RMC1: variants seen among roughly 807,000 people sequenced by gnomAD.
The protein encoded by RMC1 is regulator of MON1-CCZ1 complex.
RMC1 carries 44 observed loss-of-function variants against 95.5 expected under a neutral mutation model. The ratio of observed to expected loss-of-function variants is 0.46; its 90% CI spans 0.36 to 0.59. The LOEUF (loss-of-function observed/expected upper bound fraction) is 0.59. Ranked by LOEUF, RMC1 falls within the 20% of genes least tolerant of loss-of-function variation. The pLI is 0.00. For synonymous variants in RMC1, 320 were observed against 303.6 expected, an observed-to-expected ratio of 1.05 and a Z score of -0.56; for missense variants, 705 against 819.6, an observed-to-expected ratio of 0.86 and a Z score of 1.71.
Position 23,530,272 on chromosome 18 carries a change from A to G in RMC1, c.1643A>G (p.His548Arg). ...CTAGAGAGTTTCTATCCTCCTGCTC[A>G]TCAGCTATCTCTGGACATGCTGAAG... is the stretch of plus-strand genomic sequence containing the variant. ...LSLESFYPPA[H>R]QLSLDMLKRL... The change falls in exon 18 of 20, where the codon CAT (histidine) becomes CGT (arginine). Residue 548 changes from histidine (H) to arginine (R), a missense_variant. Physicochemically the swap from His to Arg is conservative, Grantham distance 29 (BLOSUM62 0). Transcript: ENST00000269221. The G allele has an allele frequency of 6.2e-7, 1 of 1,614,218 alleles. No homozygotes were observed. Among genetic ancestry groups the G allele is most frequent in the Non-Finnish European group, 8.5e-7 (1 of 1,180,034 alleles).
At chr18:23,531,001 C>T (rs1214872986) in intron 19 of RMC1, among the ~76,000 whole-genome samples, 1 of 151,610 alleles carries the variant, frequency 6.6e-6, no homozygotes, top group Non-Finnish European at 1.5e-5. Flanking sequence ...TGATCATTCT[C>T]ATTTTTTTTT....
intron 5 of RMC1, among the ~76,000 whole-genome samples, chr18:23,514,321 C>A (rs1333581785): frequency 1.3e-5 from 2 of 152,192 alleles, no homozygotes; most frequent in Non-Finnish European, 2.9e-5. Context: ...TCGAGACCAG[C>A]CTGGCCGCCA....
In RMC1 at chr18:23,519,076, G is replaced by A; in HGVS notation, c.751G>A (p.Ala251Thr). 6.2e-7 allele frequency: 1 copy of A among 1,614,170 alleles called. No individual in the cohort carries two copies. The highest frequency in any genetic ancestry group is 8.5e-7 in the Non-Finnish European group (1 of 1,180,012). Residue 251 changes from alanine (A) to threonine (T), a missense_variant, in exon 9 of 20, where the codon GCC (alanine) becomes ACC (threonine). By Grantham distance (58) the Ala-to-Thr change is moderately conservative. Coordinates refer to ENST00000269221, the MANE Select transcript of RMC1 (RefSeq NM_013326.5). ...VVLYHLPREG[A>T]CKKMHILKLN... ...TTGCTTTCTATCCTACAGAGAAGGT[G>A]CCTGTAAAAAGATGCACATATTGAA...
intron 5 of RMC1, among the ~76,000 whole-genome samples, chr18:23,512,067 C>G (rs750809001): frequency 1.7e-4 from 25 of 145,158 alleles, no homozygotes; most frequent in South Asian, 6.5e-4. Flanking sequence ...GTCGCCCAGG[C>G]TGGAGTGCAA....
Position 23,509,280 on chromosome 18 carries a change from G to T in RMC1, c.408+1G>T. On this transcript the variant is annotated splice_donor_variant, in intron 5 of 19. Coordinates refer to ENST00000269221, the MANE Select transcript of RMC1 (RefSeq NM_013326.5). LOFTEE classifies it high-confidence loss of function. Reference sequence around the variant, plus strand: ...AGATCAAGGAATCGAATTTTACCAGGTATTATGTTTATCATTTATGTTTGT... The same window carrying T: ...AGATCAAGGAATCGAATTTTACCAGTTATTATGTTTATCATTTATGTTTGT... 1 of 1,392,336 alleles carries T rather than the reference G, an allele frequency of 7.2e-7. No homozygotes were observed. The highest frequency in any genetic ancestry group is 9.5e-7 in the Non-Finnish European group (1 of 1,056,816). The allele number at this position is 1,392,336 out of a possible 1,614,324, so 86.2% of individuals were successfully genotyped here. A position where few individuals can be genotyped will look rare whatever the true frequency, so the allele number is the denominator to read the frequency against.
chr18:23,520,443 T>C (rs2058113740), intron 10 of RMC1, 130 bp downstream of exon 10: 1 of 760,820 alleles, frequency 1.3e-6, no homozygotes, highest in Non-Finnish European at 2.1e-6. Context: ...TGTCTGATTT[T>C]GCCAGGGGCC....
intron 2 of RMC1, 107 bp from the exon 3 acceptor site, chr18:23,506,863 T>C (rs1305447070): frequency 1.3e-6 from 1 of 759,496 alleles, no homozygotes; most frequent in African/African-American, 1.8e-5. Flanking sequence ...AATTTTAGAC[T>C]AGAATTTGCT....
chr18:23,524,311 A>T (rs765236943), intron 11 of RMC1, 118 bp from the exon 12 acceptor site: 27 of 1,486,170 alleles, frequency 1.8e-5, no homozygotes, highest in Non-Finnish European at 2.4e-5. Flanking sequence ...CTGACTGTCC[A>T]GGGGCCTCGC....
Position 23,526,802 on chromosome 18 carries a change from G to T in RMC1, c.1189+37G>T, listed in dbSNP as rs775349878. 3.1e-6 allele frequency: 5 copies of T among 1,608,350 alleles called. No individual in the cohort carries two copies. The South Asian group carries it at 5.5e-5, about 18-fold the overall frequency. ...CCTTCCCCCTTGCTCTGATTCCAGT[G>T]TGAGGCCTGTGCTGCCCAACACTTT... On this transcript the variant is annotated intron_variant, in intron 13 of 19. Coordinates refer to ENST00000269221, the MANE Select transcript of RMC1 (RefSeq NM_013326.5).
In RMC1 at chr18:23,526,672, A is replaced by G. The variant is rs767664092; in HGVS notation, c.1096A>G (p.Ile366Val). ...LWNLQVKLEP[I>V]VNLLPDKGRL... The stretch of plus-strand genomic sequence containing the variant: ...GAACCTCCAAGTGAAACTTGAGCCC[A>G]TAGTAAATCTCTTACCAGACAAAGG... Residue 366 changes from isoleucine to valine, a missense_variant, in exon 13 of 20, where the codon ATA becomes GTA. By Grantham distance (29) the Ile-to-Val change is conservative (BLOSUM62 3). Transcript: ENST00000269221. 1.9e-6 allele frequency: 3 copies of G among 1,614,190 alleles called. No individual in the cohort carries two copies. In the South Asian group the frequency reaches 3.3e-5, roughly 18 times the overall value.
Position 23,531,770 on chromosome 18 carries a change from TTAAAC to T in RMC1, c.*69_*73del, listed in dbSNP as rs900897543. ...TAATTTATTGCATTAATAAAGCTCTTTAAACTATAAAATGTTATAAAGTGTATCTA... is the reference window on the plus strand; with the variant it reads ...TAATTTATTGCATTAATAAAGCTCTTTATAAAATGTTATAAAGTGTATCTA... On this transcript the variant is annotated 3_prime_UTR_variant, in exon 20 of 20. Coordinates refer to ENST00000269221, the MANE Select transcript of RMC1 (RefSeq NM_013326.5). 54 of 1,576,428 alleles carry T rather than the reference TTAAAC, an allele frequency of 3.4e-5. No homozygotes were observed. In the East Asian group the frequency reaches 4.7e-4, roughly 14 times the overall value.
At chr18:23,529,497 G>C (rs1468328630) in intron 15 of RMC1, 138 bp from the exon 16 acceptor site, 8 of 1,241,576 alleles carry the variant, frequency 6.4e-6, no homozygotes, top group Non-Finnish European at 9.1e-6. Context: ...TGGTTCTGGA[G>C]CGATGTGTGC....
intron 12 of RMC1, among the ~76,000 whole-genome samples, chr18:23,526,413 G>T (rs2058299113): frequency 6.6e-6 from 1 of 152,330 alleles, no homozygotes; most frequent in East Asian, 1.9e-4. Flanking sequence ...AGTCAGCCAG[G>T]TGTGCGGTGG....
chr18:23,518,730 A>T (rs1284433275), intron 7 of RMC1, among the ~76,000 whole-genome samples, 160 bp from the exon 8 acceptor site: 1 of 152,184 alleles, frequency 6.6e-6, no homozygotes. Flanking sequence ...TTAACTTTAT[A>T]ATAGGCTTTG....
chr18:23,504,248 G>A, intron 1 of RMC1, 123 bp from the exon 2 acceptor site: 1 of 772,056 alleles, frequency 1.3e-6, no homozygotes. Context: ...ACCTTGATAT[G>A]TGCCGTGTTA....
In RMC1 at chr18:23,531,772, A is replaced by AT; in HGVS notation, c.*68_*69insT. On this transcript the variant is annotated 3_prime_UTR_variant, in exon 20 of 20. Coordinates refer to ENST00000269221, the MANE Select transcript of RMC1 (RefSeq NM_013326.5). Reference sequence around the variant, plus strand: ...ATTTATTGCATTAATAAAGCTCTTTAAACTATAAAATGTTATAAAGTGTAT... The same window carrying AT: ...ATTTATTGCATTAATAAAGCTCTTTATAACTATAAAATGTTATAAAGTGTAT... 7 of 1,574,456 alleles carry AT rather than the reference A, an allele frequency of 4.4e-6. No individual in the cohort carries two copies. The African/African-American group carries it at 5.5e-5, about 12-fold the overall frequency.
At position 23,504,427 on chromosome 18, in the gene RMC1, T is replaced by G; in HGVS notation, c.159T>G (p.Asp53Glu). 6.2e-7 allele frequency: 1 copy of G among 1,613,896 alleles called. No individual in the cohort carries two copies. Among genetic ancestry groups the G allele is most frequent in the South Asian group, 1.1e-5 (1 of 91,078 alleles). The change falls in exon 2 of 20, where the codon GAT becomes GAG. Residue 53 changes from aspartate (D) to glutamate (E), a missense_variant. Physicochemically the swap from Asp to Glu is conservative, Grantham distance 45. Transcript: ENST00000269221. ...GCGTGGTAGTTAAAGGCCCAGATGATAGGAATCCCATCTCATTTAGGTAAT... is the reference window on the plus strand; with the variant it reads ...GCGTGGTAGTTAAAGGCCCAGATGAGAGGAATCCCATCTCATTTAGGTAAT... ...ATGVVVKGPD[D>E]RNPISFRMDD...
At position 23,503,630 on chromosome 18, in the gene RMC1, G is replaced by A. The variant is rs201480149; in HGVS notation, c.12G>A (p.Glu4=). Residue 4 remains glutamate, a synonymous_variant, in exon 1 of 20, where the codon GAG becomes GAA. Coordinates refer to ENST00000269221, the MANE Select transcript of RMC1 (RefSeq NM_013326.5). MGE[E]DYYLELCERP... is the part of the protein sequence containing the mutation. The stretch of plus-strand genomic sequence containing the variant: ...GCGCGGCGCCCGCCATGGGCGAGGA[G>A]GACTACTATCTGGAGCTGTGCGAGC... The A allele has an allele frequency of 2.2e-5, 34 of 1,569,190 alleles. No individual in the cohort carries two copies. The highest frequency in any genetic ancestry group is 7.2e-5 in the Admixed American group (4 of 55,308).
At chr18:23,506,529 T>G (rs980505518) in intron 2 of RMC1, 5 of 166,624 alleles carry the variant, frequency 3.0e-5, no homozygotes, top group African/African-American at 1.2e-4. Context: ...CCAGCTGAGT[T>G]CACTTTTTAA....
Sources: gnomAD v4.1 joint callset for allele counts (sites outside exome capture counted in the v4.1 genomes callset) on GRCh38, gnomAD v4.1.1 for gene constraint, MANE v1.5 for transcripts, NCBI Gene and HGNC (gene_info 2026-07-23, HGNC 2026-07-21) for gene names.